Variants in KIFAP3 observed in about 807,000 individuals in gnomAD.
The protein encoded by KIFAP3 is kinesin-associated protein 3.
Under a neutral mutation model 106.5 loss-of-function variants are expected in KIFAP3, and 68 were observed. The observed-to-expected ratio is 0.64, with a 90% CI of 0.53 to 0.78. The LOEUF is 0.78. Among genes scored for constraint, KIFAP3 ranks in the 30% least tolerant of loss-of-function variants. The pLI, the probability that KIFAP3 is intolerant of heterozygous loss-of-function variation, is 0.00. For synonymous variants in KIFAP3, 320 were observed against 311.5 expected, an observed-to-expected ratio of 1.03 and a Z score of -0.29; for missense variants, 780 against 941.8, an observed-to-expected ratio of 0.83 and a Z score of 2.25.
chr1:169,998,364 C>T (rs1264641653), intron 10 of KIFAP3, among the ~76,000 whole-genome samples: 1 of 146,292 alleles, frequency 6.8e-6, no homozygotes, highest in Non-Finnish European at 1.5e-5. Flanking sequence ...AATCGGACTA[C>T]AACTAGTGCT....
At chr1:169,983,520 T>C in intron 12 of KIFAP3, 138 bp from the exon 13 acceptor site, 5 of 645,816 alleles carry the variant, frequency 7.7e-6, no homozygotes, top group South Asian at 1.8e-5. Context: ...TTAATTTAGA[T>C]GCAACCCATA....
chr1:169,939,375 G>A (rs1297280041), intron 19 of KIFAP3, among the ~76,000 whole-genome samples: 9 of 152,174 alleles, frequency 5.9e-5, no homozygotes, highest in African/African-American at 1.9e-4. Flanking sequence ...TGAACTACTA[G>A]GTGGGATGGT....
chr1:170,016,455 A>G lies in KIFAP3; in HGVS notation c.1183+7T>C, dbSNP rs764833567. ...ACAACACTGTCATTAATTTCTAAAA[A>G]GCATACCTAGGAGTGCAGTGAGCTT... On this transcript the variant is annotated splice_region_variant and intron_variant, in intron 10 of 19. Transcript: ENST00000361580. The G allele has an allele frequency of 1.3e-6, 2 of 1,587,012 alleles. No homozygotes were observed.
At chr1:169,942,192 T>C (rs1273821693) in intron 19 of KIFAP3, among the ~76,000 whole-genome samples, 1 of 152,140 alleles carries the variant, frequency 6.6e-6, no homozygotes, top group East Asian at 1.9e-4. Context: ...ATAAACTCAG[T>C]AAGTACAAAC....
chr1:169,956,458 A>C (rs1229848462), intron 18 of KIFAP3, among the ~76,000 whole-genome samples: 1 of 152,178 alleles, frequency 6.6e-6, no homozygotes, highest in East Asian at 1.9e-4. Context: ...ACAGGGCACT[A>C]GAAAATGGGC....
chr1:169,969,409 T>C (rs769909208), intron 17 of KIFAP3, among the ~76,000 whole-genome samples: 2 of 152,082 alleles, frequency 1.3e-5, no homozygotes, highest in Admixed American at 6.6e-5. Context: ...ACGGGTGATG[T>C]AGAAGCTACA....
intron 19 of KIFAP3, among the ~76,000 whole-genome samples, chr1:169,928,272 G>A (rs983550994): frequency 8.6e-5 from 13 of 151,838 alleles, no homozygotes; most frequent in African/African-American, 3.1e-4. Context: ...GCTAATTTTT[G>A]TATATTTAGT....
At chr1:170,014,698 TA>T (rs1244429201) in intron 10 of KIFAP3, among the ~76,000 whole-genome samples, 2 of 152,098 alleles carry the variant, frequency 1.3e-5, no homozygotes, top group Non-Finnish European at 2.9e-5. Flanking sequence ...AAATTTTTTT[TA>T]AAAAAATTAC....
In KIFAP3 at chr1:170,074,612, G is replaced by T. The variant is rs1409533167; in HGVS notation, c.-145C>A. ...AAGGCGGGGCAGCAGCGGCGCTGTG[G>T]TTACCACGGTGAAGCCTCCAGCTCC... On this transcript the variant is annotated 5_prime_UTR_variant, in exon 1 of 20. Transcript: ENST00000361580. The T allele has an allele frequency of 1.3e-6, 2 of 1,514,512 alleles. No individual in the cohort carries two copies. The highest frequency in any genetic ancestry group is 2.8e-5 in the African/African-American group (2 of 72,588). The allele number at this position is 1,514,512 out of a possible 1,614,324, so 93.8% of individuals were successfully genotyped here.
intron 15 of KIFAP3, among the ~76,000 whole-genome samples, chr1:169,979,790 G>A (rs1296806728): frequency 6.6e-6 from 1 of 152,078 alleles, no homozygotes; most frequent in African/African-American, 2.4e-5. Flanking sequence ...ATGGAAATGA[G>A]TACATATGTT....
At chr1:169,995,415 T>C (rs1472994023) in intron 10 of KIFAP3, among the ~76,000 whole-genome samples, 2 of 152,130 alleles carry the variant, frequency 1.3e-5, no homozygotes, top group African/African-American at 4.8e-5. Flanking sequence ...TCTCTTTCCC[T>C]GTGATTCTAG....
intron 16 of KIFAP3, among the ~76,000 whole-genome samples, chr1:169,977,349 A>G (rs932135374): frequency 1.3e-5 from 2 of 152,172 alleles, no homozygotes; most frequent in African/African-American, 4.8e-5. Context: ...GGATGCGAGA[A>G]TGATAAACTA....
At chr1:170,049,305 G>A (rs1670451283) in intron 2 of KIFAP3, among the ~76,000 whole-genome samples, 1 of 152,194 alleles carries the variant, frequency 6.6e-6, no homozygotes, top group South Asian at 2.1e-4. Context: ...ATCTAAGAAG[G>A]AAATGCAGCA....
intron 8 of KIFAP3, 127 bp downstream of exon 8, chr1:170,031,759 C>G: frequency 1.7e-6 from 1 of 594,318 alleles, no homozygotes; most frequent in South Asian, 2.9e-5. Flanking sequence ...GAACTTGTAG[C>G]ATATTAACAT....
chr1:170,039,877 G>A (rs1368359016), intron 3 of KIFAP3, among the ~76,000 whole-genome samples: 1 of 152,020 alleles, frequency 6.6e-6, no homozygotes, highest in Non-Finnish European at 1.5e-5. Context: ...CAAAGGTGTT[G>A]AACACAAGTT....
rs761922286 is a variant in KIFAP3, at chr1:170,034,474, T to G, written c.640A>C (p.Ile214Leu). The G allele has an allele frequency of 2.0e-6, 3 of 1,492,046 alleles. No individual in the cohort carries two copies. In the South Asian group the frequency reaches 3.7e-5, roughly 18 times the overall value. 92.4% of individuals were successfully genotyped at this position (1,492,046 alleles called of 1,614,324 possible). Reference protein sequence around the residue: ...FSSFSQFHGLITHYKIGALCM... With the variant: ...FSSFSQFHGLLTHYKIGALCM... ...AGAGCTCCAATTTTATAGTGAGTAA[T>G]AAGTCCATGAAATTGAGAAAAGCTT... The change falls in exon 7 of 20, where the codon ATT (isoleucine) becomes CTT (leucine). Residue 214 changes from isoleucine (I) to leucine (L), a missense_variant. Ile to Leu is a conservative substitution (Grantham distance 5, BLOSUM62 2). This residue lies in a region of KIFAP3 where 588 missense variants were observed against 678.9 expected (regional missense o/e 0.87). Transcript: ENST00000361580.
At chr1:169,960,244 T>G (rs1041742150) in intron 18 of KIFAP3, among the ~76,000 whole-genome samples, 1 of 152,036 alleles carries the variant, frequency 6.6e-6, no homozygotes, top group African/African-American at 2.4e-5. Flanking sequence ...TAGAAACACA[T>G]AGTAGAAAAT....
chr1:170,005,906 T>C (rs1229884073), intron 10 of KIFAP3, among the ~76,000 whole-genome samples: 3 of 151,970 alleles, frequency 2.0e-5, no homozygotes, highest in Non-Finnish European at 1.5e-5. Context: ...CTAGAAATAC[T>C]CAAAACTGTG....
intron 1 of KIFAP3, among the ~76,000 whole-genome samples, chr1:170,064,388 CTT>C (rs1671331077): frequency 1.3e-5 from 2 of 152,284 alleles, no homozygotes; most frequent in African/African-American, 4.8e-5. Flanking sequence ...GGGTCTCACT[CTT>C]GTCACCTAGG....
Sources: allele counts gnomAD v4.1 joint callset (sites outside exome capture counted in the v4.1 genomes callset), GRCh38; gene constraint gnomAD v4.1.1; regional missense constraint gnomAD v4.1.1; transcripts MANE v1.5; gene names NCBI Gene and HGNC (gene_info 2026-07-23, HGNC 2026-07-21).